The following LPAR6 variants were observed in gnomAD, a reference collection of about 807,000 sequenced individuals.
LPAR6 encodes the protein lysophosphatidic acid receptor 6, also known as G-protein coupled purinergic receptor P2Y5.
In LPAR6, 17 loss-of-function variants were observed where a neutral mutation model predicts 22.0. The ratio of observed to expected loss-of-function variants is 0.77; its 90% CI spans 0.53 to 1.16. LPAR6 has a LOEUF of 1.16. Among genes scored for constraint, LPAR6 ranks in the 50% most tolerant of loss-of-function variants. The pLI is 0.00. For synonymous variants in LPAR6, 136 were observed against 139.8 expected, an observed-to-expected ratio of 0.97 and a Z score of 0.19; for missense variants, 384 against 406.9, an observed-to-expected ratio of 0.94 and a Z score of 0.48.
At chr13:48,441,300 G>C (rs1949234387) in intron 1 of LPAR6, among the ~76,000 whole-genome samples, 1 of 152,144 alleles carries the variant, frequency 6.6e-6, no homozygotes, top group South Asian at 2.1e-4. Flanking sequence ...GGGATGTGTT[G>C]AAACTAAATT....
chr13:48,419,247 C>G lies in LPAR6; in HGVS notation c.-953-1927G>C, dbSNP rs143431157. Among the ~76,000 whole-genome samples, 957 of 152,308 alleles carry G rather than the reference C, an allele frequency of 6.3e-3. 12 individuals carry two copies. The highest frequency in any genetic ancestry group is 0.022 in the African/African-American group (910 of 41,574). The stretch of plus-strand genomic sequence containing the variant: ...ATTAAGAAACTCACTCAAACCTGCA[C>G]AACTGCATGGAAACTGAACAACCTG... On this transcript the variant is annotated intron_variant, in intron 2 of 4. Transcript: ENST00000345941.
Position 48,442,588 on chromosome 13 carries a change from G to A in LPAR6, c.-1474+1965C>T, listed in dbSNP as rs181963356. Among the ~76,000 whole-genome samples, 3 of 152,252 alleles carry A rather than the reference G, an allele frequency of 2.0e-5. No individual in the cohort carries two copies. The East Asian group carries it at 5.8e-4, about 29-fold the overall frequency. ...AGGTTTTTTTCCTGGCTATTAGAAA[G>A]GAGGAAGACCCTCACTGAATTGAAG... On this transcript the variant is annotated intron_variant, in intron 1 of 6. Transcript: ENST00000378434.
intron 1 of LPAR6, among the ~76,000 whole-genome samples, chr13:48,404,473 AG>A (rs1948721593): frequency 6.6e-6 from 1 of 152,004 alleles, no homozygotes; most frequent in African/African-American, 2.4e-5. Context: ...AATGAAAACC[AG>A]GGGGCTTCAG....
At position 48,412,828 on chromosome 13, in the gene LPAR6, A is replaced by G. The variant is rs1948840343; in HGVS notation, c.-405T>C. On this transcript the variant is annotated 5_prime_UTR_variant, in exon 1 of 1. Coordinates refer to ENST00000620633, the MANE Select transcript of LPAR6 (RefSeq NM_001162498.3). Reference sequence around the variant, plus strand: ...TTTCAGTAGTCAAGATGAATACTCCAAAGTTAATGTTTCTTTATGCCTCAG... The same window carrying G: ...TTTCAGTAGTCAAGATGAATACTCCGAAGTTAATGTTTCTTTATGCCTCAG... 4.6e-6 allele frequency: 1 copy of G among 217,192 alleles called. No homozygotes were observed. 13.5% of individuals were successfully genotyped at this position (217,192 alleles called of 1,614,324 possible).
intron 1 of LPAR6, among the ~76,000 whole-genome samples, chr13:48,403,167 A>T (rs1948708737): frequency 2.0e-5 from 3 of 152,188 alleles, no homozygotes. Context: ...ATTTTTTAGC[A>T]GCAGTCAAAG....
intron 1 of LPAR6, among the ~76,000 whole-genome samples, chr13:48,433,223 T>C (rs1346735346): frequency 6.6e-6 from 1 of 152,178 alleles, no homozygotes; most frequent in Non-Finnish European, 1.5e-5. Flanking sequence ...TTAATTTTTT[T>C]TTCAAAAAGA....
Position 48,411,740 on chromosome 13 carries a change from T to G in LPAR6, c.684A>C (p.Leu228Phe). ...SRSKINKTKV[L>F]KMIFVHLIIF... ...TGATCAAATGTACAAAAATCATTTT[T>G]AAAACCTTAGTTTTGTTTATTTTGC... The change falls in exon 1 of 1, where the codon TTA (leucine) becomes TTC (phenylalanine). Residue 228 changes from leucine to phenylalanine, a missense_variant. By Grantham distance (22) the Leu-to-Phe change is conservative. Transcript: ENST00000620633. The G allele has an allele frequency of 6.2e-7, 1 of 1,609,894 alleles. No homozygotes were observed. Among genetic ancestry groups the G allele is most frequent in the Non-Finnish European group, 8.5e-7 (1 of 1,176,354 alleles).
intron 1 of LPAR6, among the ~76,000 whole-genome samples, chr13:48,400,949 C>G (rs1948686573): frequency 1.3e-5 from 2 of 152,222 alleles, no homozygotes; most frequent in East Asian, 1.9e-4. Flanking sequence ...AGGCACCCCT[C>G]CTCCCCCATC....
intron 2 of LPAR6, among the ~76,000 whole-genome samples, chr13:48,419,124 C>T (rs982391825): frequency 2.6e-5 from 4 of 152,162 alleles, no homozygotes; most frequent in Non-Finnish European, 5.9e-5. Context: ...CTAAAACTAA[C>T]CACATGATTG....
upstream of LPAR6, chr13:48,417,080 G>A (rs1389299741): frequency 6.6e-6 from 1 of 152,402 alleles, no homozygotes; most frequent in Non-Finnish European, 1.5e-5. Context: ...CTCTGCTAAG[G>A]GACAGACTGC....
At chr13:48,397,962 A>G (rs1948661518) in intron 1 of LPAR6, among the ~76,000 whole-genome samples, 1 of 152,194 alleles carries the variant, frequency 6.6e-6, no homozygotes, top group South Asian at 2.1e-4. Flanking sequence ...ACCATTGGAC[A>G]TTATTTGTTT....
At chr13:48,436,295 C>T (rs899033945) in intron 1 of LPAR6, among the ~76,000 whole-genome samples, 1 of 152,146 alleles carries the variant, frequency 6.6e-6, no homozygotes, top group African/African-American at 2.4e-5. Context: ...GGATCTAGAA[C>T]TTGAAAGCAT....
At chr13:48,403,710 C>T (rs1593471646) in intron 1 of LPAR6, among the ~76,000 whole-genome samples, 1 of 152,222 alleles carries the variant, frequency 6.6e-6, no homozygotes, top group East Asian at 1.9e-4. Flanking sequence ...CACAAAGTTT[C>T]CAGTGTAGGG....
At chr13:48,404,483 A>G (rs1276691944) in intron 1 of LPAR6, among the ~76,000 whole-genome samples, 1 of 152,076 alleles carries the variant, frequency 6.6e-6, no homozygotes, top group East Asian at 1.9e-4. Flanking sequence ...AGGGGGCTTC[A>G]GATGGAAAGG....
intron 1 of LPAR6, among the ~76,000 whole-genome samples, chr13:48,433,020 A>G (rs942692745): frequency 2.6e-5 from 4 of 152,112 alleles, no homozygotes; most frequent in African/African-American, 9.7e-5. Flanking sequence ...GTGCTCTTAG[A>G]TAAGAACTCT....
chr13:48,443,433 CA>C (rs143646124), intron 1 of LPAR6, among the ~76,000 whole-genome samples: 4,935 of 152,032 alleles, frequency 0.032, 233 homozygotes, highest in East Asian at 0.13. Context: ...ATTCCACACT[CA>C]AAAAATATTT....
downstream of LPAR6, among the ~76,000 whole-genome samples, chr13:48,410,562 T>C (rs1351624889): frequency 6.6e-6 from 1 of 152,212 alleles, no homozygotes; most frequent in Admixed American, 6.5e-5. Flanking sequence ...ACTTAAAACA[T>C]AAGTTCTTGA....
chr13:48,437,510 G>A (rs1949195930), intron 1 of LPAR6, among the ~76,000 whole-genome samples: 1 of 152,188 alleles, frequency 6.6e-6, no homozygotes. Flanking sequence ...CCTCATGAGA[G>A]ATTCTTAAAT....
Position 48,411,239 on chromosome 13 carries a change from A to G in LPAR6, c.*150T>C. 1 of 678,266 alleles carries G rather than the reference A, an allele frequency of 1.5e-6. No individual in the cohort carries two copies. The highest frequency in any genetic ancestry group is 2.6e-6 in the Non-Finnish European group (1 of 382,478). 42.0% of individuals were successfully genotyped at this position (678,266 alleles called of 1,614,324 possible). Reference sequence around the variant, plus strand: ...TAAAATACATGTTAATGCTTAACACATTGAATACAAATTTTCTTTATACTA... The same window carrying G: ...TAAAATACATGTTAATGCTTAACACGTTGAATACAAATTTTCTTTATACTA... On this transcript the variant is annotated 3_prime_UTR_variant, in exon 1 of 1. Transcript: ENST00000620633.
Sources: gnomAD v4.1 joint callset for allele counts (sites outside exome capture counted in the v4.1 genomes callset) on GRCh38, gnomAD v4.1.1 for gene constraint, MANE v1.5 for transcripts, NCBI Gene and HGNC (gene_info 2026-07-23, HGNC 2026-07-21) for gene names.